The following MFN2 variants were observed in gnomAD, a reference collection of about 807,000 sequenced individuals.
MFN2 encodes mitofusin-2.
Under a neutral mutation model 87.5 loss-of-function variants are expected in MFN2, and 43 were observed. The ratio of observed to expected loss-of-function variants is 0.49; its 90% CI spans 0.38 to 0.63. The LOEUF is 0.63. Ranked by LOEUF, MFN2 falls within the 30% of genes least tolerant of loss-of-function variation. The probability of loss-of-function intolerance (pLI) is 0.00; values close to 1 mark genes in which losing one functional copy is unlikely to be tolerated. For missense variants in MFN2, 743 were observed against 972.8 expected (o/e 0.76, Z 3.14); for synonymous variants, 337 against 359.9 (o/e 0.94, Z 0.72).
intron 5 of MFN2, among the ~76,000 whole-genome samples, chr1:11,996,962 C>T (rs913704835): frequency 1.3e-5 from 2 of 150,986 alleles, no homozygotes; most frequent in Admixed American, 6.6e-5. Flanking sequence ...TGCTTGAACC[C>T]AGGAGGTGGA....
At chr1:12,000,908 A>G (rs910475558) in intron 8 of MFN2, among the ~76,000 whole-genome samples, 5 of 152,228 alleles carry the variant, frequency 3.3e-5, no homozygotes, top group Admixed American at 2.6e-4. Flanking sequence ...GCTCACTGCC[A>G]AGTAACCCCC....
At position 11,999,061 on chromosome 1, in the gene MFN2, A is replaced by T; in HGVS notation, c.782A>T (p.Asp261Val). The change falls in exon 8 of 19, where the codon GAT (aspartate) becomes GTT (valine). Residue 261 changes from aspartate (D) to valine (V), a missense_variant. Asp to Val is a radical substitution (Grantham distance 152). Around this residue, in one of 3 missense-constraint regions of MFN2, gnomAD observed 571 missense variants for 670.7 expected, o/e 0.85. Transcript: ENST00000235329. ...PNIFILNNRWDASASEPEYME... is the reference protein window; with the variant it reads ...PNIFILNNRWVASASEPEYME... Reference sequence around the variant, plus strand: ...ATCTTCATCCTGAACAACCGCTGGGATGCATCTGCCTCAGAGCCCGAGTAC... The same window carrying T: ...ATCTTCATCCTGAACAACCGCTGGGTTGCATCTGCCTCAGAGCCCGAGTAC... 6.2e-7 allele frequency: 1 copy of T among 1,614,154 alleles called. No individual in the cohort carries two copies.
rs1400520363 is a variant in MFN2 at position 11,993,684 on chromosome 1, C to T, written c.311+994C>T. Reference sequence around the variant, plus strand: ...CCAGGGGGCGGAGCCTGCAGTGAGCCGAGATCGGGCCACTGCACTCCAGCC... The same window carrying T: ...CCAGGGGGCGGAGCCTGCAGTGAGCTGAGATCGGGCCACTGCACTCCAGCC... On this transcript the variant is annotated intron_variant, in intron 4 of 18. Coordinates refer to ENST00000235329, the MANE Select transcript of MFN2 (RefSeq NM_014874.4). Among the ~76,000 whole-genome samples, 5 of 149,446 alleles carry T rather than the reference C, an allele frequency of 3.3e-5. No homozygotes were observed. The East Asian group carries it at 5.9e-4, about 18-fold the overall frequency.
At chr1:11,992,451 G>A (rs1312706258) in intron 3 of MFN2, 104 bp from the exon 4 acceptor site, 6 of 1,420,056 alleles carry the variant, frequency 4.2e-6, no homozygotes, top group East Asian at 2.3e-5. Context: ...TGCCAGAGGT[G>A]GACTCGTTTA....
In MFN2 at chr1:12,012,392, GGTTGAAGGATGTA is replaced by G. The variant is rs1327328241; in HGVS notation, c.*830_*842del. The G allele has an allele frequency of 1.3e-5, 2 of 152,368 alleles. No individual in the cohort carries two copies. The highest frequency in any genetic ancestry group is 2.9e-5 in the Non-Finnish European group (2 of 68,150). The allele number at this position is 152,368 out of a possible 1,614,324, so 9.4% of individuals were successfully genotyped here. On this transcript the variant is annotated 3_prime_UTR_variant, in exon 19 of 19. Transcript: ENST00000235329. Reference sequence around the variant, plus strand: ...TTTTGGAAGATGGCATGGTCTAGGTGGTTGAAGGATGTAGTAGAAGGATGGATGGTGGAAGGTG... The same window carrying G: ...TTTTGGAAGATGGCATGGTCTAGGTGGTAGAAGGATGGATGGTGGAAGGTG...
intron 1 of MFN2, chr1:11,981,745 C>T (rs959289330): frequency 1.3e-5 from 2 of 152,298 alleles, no homozygotes; most frequent in Middle Eastern, 3.1e-3. Flanking sequence ...GCCTCAAACC[C>T]GCACATGGCG....
chr1:12,006,188 AGAC>A (rs1639406698), intron 15 of MFN2, among the ~76,000 whole-genome samples: 1 of 151,974 alleles, frequency 6.6e-6, no homozygotes, highest in Admixed American at 6.5e-5. Context: ...TATTAAAAAT[AGAC>A]GACTTTAAAA....
chr1:11,996,088 A>G lies in MFN2; in HGVS notation c.312-68A>G, dbSNP rs1295045111. 6.9e-6 allele frequency: 11 copies of G among 1,605,520 alleles called. No individual in the cohort carries two copies. The Middle Eastern group carries it at 5.0e-4, about 72-fold the overall frequency. On this transcript the variant is annotated intron_variant, in intron 4 of 18. Transcript: ENST00000235329. ...TAGGGCTTTGGCCTTCCAGGCTGGT[A>G]TCTGCGTTGTGAAAGTAATTCAGGT...
chr1:11,998,099 G>A (rs535885818), intron 6 of MFN2, among the ~76,000 whole-genome samples: 10 of 151,168 alleles, frequency 6.6e-5, no homozygotes, highest in Admixed American at 1.3e-4. Context: ...GGCCAGGCTG[G>A]TCTTGAACTG....
chr1:11,998,641 T>A, intron 6 of MFN2, 129 bp from the exon 7 acceptor site: 1 of 831,570 alleles, frequency 1.2e-6, no homozygotes, highest in Non-Finnish European at 2.1e-6. Context: ...GGGCCAGGCC[T>A]GATTTCTCTC....
At position 12,011,851 on chromosome 1, in the gene MFN2, G is replaced by T; in HGVS notation, c.*286G>T. On this transcript the variant is annotated 3_prime_UTR_variant, in exon 19 of 19. Transcript: ENST00000235329. ...GTTGAGGCTTTTTCCAGCTTTCTCTGGTTCATTTGATTGCTTGATAAGGCC... is the reference window on the plus strand; with the variant it reads ...GTTGAGGCTTTTTCCAGCTTTCTCTTGTTCATTTGATTGCTTGATAAGGCC... The T allele has an allele frequency of 1.9e-6, 1 of 521,162 alleles. No homozygotes were observed. The highest frequency in any genetic ancestry group is 2.2e-5 in the South Asian group (1 of 45,488). The allele number at this position is 521,162 out of a possible 1,614,324, so 32.3% of individuals were successfully genotyped here.
chr1:12,011,784 C>CTT lies in MFN2; in HGVS notation c.*221_*222dup, dbSNP rs558848411. 7.3e-4 allele frequency: 445 copies of CTT among 605,784 alleles called. 4 individuals are homozygous for CTT. In the East Asian group the frequency reaches 0.011, roughly 15 times the overall value. 37.5% of individuals were successfully genotyped at this position (605,784 alleles called of 1,614,324 possible). ...AGCTGGCTCATACCCCCAAAGGACA[C>CTT]TTTCAGCGACAGCTATGGACAGCAT... is the stretch of plus-strand genomic sequence containing the variant. On this transcript the variant is annotated 3_prime_UTR_variant, in exon 19 of 19. Transcript: ENST00000235329.
Position 12,005,872 on chromosome 1 carries a change from G to A in MFN2, c.1657G>A (p.Val553Met). The change falls in exon 15 of 19, where the codon GTG becomes ATG. Residue 553 changes from valine (V) to methionine (M), a missense_variant. Around this residue, in one of 3 missense-constraint regions of MFN2, gnomAD observed 571 missense variants for 670.7 expected, o/e 0.85. Transcript: ENST00000235329. The part of the protein sequence containing the change: ...FHFSLGWTML[V>M]NRFLGPKNSR... ...TTTCTCTCTCGGATGGACCATGCTGGTGAATAGGTTCCTGGGCCCCAAGAA... is the reference window on the plus strand; with the variant it reads ...TTTCTCTCTCGGATGGACCATGCTGATGAATAGGTTCCTGGGCCCCAAGAA... 1 of 1,614,196 alleles carries A rather than the reference G, an allele frequency of 6.2e-7. No homozygotes were observed. The highest frequency in any genetic ancestry group is 8.5e-7 in the Non-Finnish European group (1 of 1,180,036).
rs1639278675 is a variant in MFN2 at position 12,003,749 on chromosome 1, C to T, written c.1161-243C>T. On this transcript the variant is annotated intron_variant, in intron 11 of 18. Coordinates refer to ENST00000235329, the MANE Select transcript of MFN2 (RefSeq NM_014874.4). The surrounding 1 kb of genome is among the most constrained non-coding windows in gnomAD (Gnocchi z 4.1). ...TTAATTGGCAGAATTTGTTTAAACC[C>T]CCTTAAAGCGCCCTCCCTGTTTTGT... 6.6e-6 allele frequency among the ~76,000 whole-genome samples: 1 copy of T among 152,192 alleles called. No individual in the cohort carries two copies. Among genetic ancestry groups the T allele is most frequent in the South Asian group, 2.1e-4 (1 of 4,830 alleles).
chr1:11,993,629 G>A (rs1638787132), intron 4 of MFN2, among the ~76,000 whole-genome samples: 1 of 151,752 alleles, frequency 6.6e-6, no homozygotes, highest in African/African-American at 2.4e-5. Context: ...CAGCTACTTG[G>A]GAGGCTAGGG....
chr1:12,007,382 G>T, intron 17 of MFN2, 133 bp downstream of exon 17: 2 of 1,154,864 alleles, frequency 1.7e-6, no homozygotes, highest in Non-Finnish European at 2.5e-6. Context: ...GGGCCTTCAG[G>T]TGTGCAGGGC....
intron 14 of MFN2, 64 bp from the exon 15 acceptor site, chr1:12,005,647 G>T: frequency 1.3e-6 from 2 of 1,514,566 alleles, no homozygotes; most frequent in Non-Finnish European, 1.8e-6. Flanking sequence ...TGTCTCCAAG[G>T]CTTGGTGCCG....
At chr1:11,983,982 C>T (rs756894648) in intron 2 of MFN2, among the ~76,000 whole-genome samples, 5 of 152,132 alleles carry the variant, frequency 3.3e-5, no homozygotes, top group Non-Finnish European at 7.3e-5. Flanking sequence ...GTAGGTTTTA[C>T]GCCAGGGGTT....
intron 2 of MFN2, among the ~76,000 whole-genome samples, chr1:11,984,309 G>T (rs1435320701): frequency 1.3e-5 from 2 of 152,202 alleles, no homozygotes; most frequent in Non-Finnish European, 2.9e-5. Flanking sequence ...AGGGAGTGGT[G>T]TGTGTGGTGT....
Sources: gnomAD v4.1 joint callset for allele counts (sites outside exome capture counted in the v4.1 genomes callset) on GRCh38, gnomAD v4.1.1 for gene constraint, gnomAD v4.1.1 regional missense constraint, Gnocchi (gnomAD v3.1) non-coding constraint, MANE v1.5 for transcripts, NCBI Gene and HGNC (gene_info 2026-07-23, HGNC 2026-07-21) for gene names.